Variants in FXR2 observed in about 807,000 individuals in gnomAD.
FXR2 encodes RNA-binding protein FXR2.
FXR2 carries 9 observed loss-of-function variants against 87.3 expected under a neutral mutation model. The observed-to-expected ratio is 0.10, with a 90% CI of 0.06 to 0.18. FXR2 has a LOEUF of 0.18. FXR2 is among the 10% of genes least tolerant of loss of function. The probability of loss-of-function intolerance (pLI) is 1.00; values close to 1 mark genes in which losing one functional copy is unlikely to be tolerated. For missense variants in FXR2, 661 were observed against 893.6 expected (o/e 0.74, Z 3.32); for synonymous variants, 331 against 328.3 (o/e 1.01, Z -0.09).
At chr17:7,600,179 G>A (rs1289810493) in intron 7 of FXR2, among the ~76,000 whole-genome samples, 4 of 151,598 alleles carry the variant, frequency 2.6e-5, no homozygotes, top group African/African-American at 9.7e-5. Flanking sequence ...GATTACAGAC[G>A]TGGGCCACCG....
chr17:7,593,566 C>A lies in FXR2; in HGVS notation c.1167G>T (p.Gly389=). The change falls in exon 12 of 17, where the codon GGG becomes GGT. Residue 389 remains glycine (G), a synonymous_variant. Transcript: ENST00000250113. This position sits in a 1 kb window ranked among gnomAD's most constrained non-coding sequence, Gnocchi z 6.1. ...CACTCCCAGGAGGGCGAAAGCCCAG[C>A]CCAATCTGCCGAAGCTGCTCATCAA... ...LQIDEQLRQI[G]LGFRPPGSGR... 1.3e-6 allele frequency: 2 copies of A among 1,597,658 alleles called. No individual in the cohort carries two copies. Among genetic ancestry groups the A allele is most frequent in the Admixed American group, 1.7e-5 (1 of 57,736 alleles).
chr17:7,606,227 AC>A, intron 1 of FXR2, 78 bp from the exon 2 acceptor site: 1 of 908,680 alleles, frequency 1.1e-6, no homozygotes, highest in Non-Finnish European at 1.7e-6. Context: ...GGAATAAGAC[AC>A]CACAAAACCT....
intron 1 of FXR2, chr17:7,613,954 A>T (rs748942707): frequency 3.9e-5 from 17 of 438,268 alleles, no homozygotes; most frequent in Non-Finnish European, 7.8e-5. Context: ...ATATAAGATG[A>T]AAGTGGGGTG....
chr17:7,613,505 G>A (rs2071895051), intron 1 of FXR2, among the ~76,000 whole-genome samples: 1 of 152,148 alleles, frequency 6.6e-6, no homozygotes, highest in African/African-American at 2.4e-5. Flanking sequence ...GGGCAAAGGG[G>A]GAGGTGAAAT....
In FXR2 at chr17:7,593,143, A is replaced by T; in HGVS notation, c.1369T>A (p.Ser457Thr). ...SDVSTASETE[S>T]EKREEPNRAG... ...CGGTTGGGCTCCTCTCTCTTCTCTG[A>T]CTCAGTCTCTGAAGCTGTAGACACA... The change falls in exon 13 of 17, where the codon TCA becomes ACA. Residue 457 changes from serine to threonine, a missense_variant. By Grantham distance (58) the Ser-to-Thr change is moderately conservative. Transcript: ENST00000250113. This position sits in a 1 kb window ranked among gnomAD's most constrained non-coding sequence, Gnocchi z 6.1. 1 of 1,552,650 alleles carries T rather than the reference A, an allele frequency of 6.4e-7. No individual in the cohort carries two copies. The highest frequency in any genetic ancestry group is 8.7e-7 in the Non-Finnish European group (1 of 1,152,566).
chr17:7,595,148 A>G lies in FXR2; in HGVS notation c.832-391T>C, dbSNP rs948739415. The stretch of plus-strand genomic sequence containing the variant: ...AAAAAATTAAACAAATAAATAACTT[A>G]AAAAAAAAAACAGAGGACCTTGGCC... On this transcript the variant is annotated intron_variant, in intron 8 of 16. Transcript: ENST00000250113. This position sits in a 1 kb window ranked among gnomAD's most constrained non-coding sequence, Gnocchi z 4.7. Among the ~76,000 whole-genome samples, 1 of 137,922 alleles carries G rather than the reference A, an allele frequency of 7.3e-6. No homozygotes were observed. Among genetic ancestry groups the G allele is most frequent in the East Asian group, 2.0e-4 (1 of 5,042 alleles). 90.5% of individuals were successfully genotyped at this position (137,922 alleles called of 152,430 possible).
At chr17:7,609,164 A>T (rs944077996) in intron 1 of FXR2, among the ~76,000 whole-genome samples, 7 of 152,248 alleles carry the variant, frequency 4.6e-5, no homozygotes, top group Non-Finnish European at 1.0e-4. Flanking sequence ...CAAAAGGCTA[A>T]TACACAAGAA....
chr17:7,614,429 C>T, intron 1 of FXR2, 23 bp downstream of exon 1: 1 of 1,498,846 alleles, frequency 6.7e-7, no homozygotes, highest in Non-Finnish European at 9.0e-7. Flanking sequence ...GGACCGGCGT[C>T]CCCAGTCGGC....
rs540643291 is a variant in FXR2, at chr17:7,605,139, C to T, written c.228+506G>A. 2.4e-4 allele frequency among the ~76,000 whole-genome samples: 34 copies of T among 142,214 alleles called. No individual in the cohort carries two copies. The South Asian group carries it at 7.2e-3, about 30-fold the overall frequency. 93.3% of individuals were successfully genotyped at this position (142,214 alleles called of 152,430 possible). ...ATCCCAGCACTTTGGGAAGCTGAGGCGGGTGGATCACCTGAAGTCAGAAAT... is the reference window on the plus strand; with the variant it reads ...ATCCCAGCACTTTGGGAAGCTGAGGTGGGTGGATCACCTGAAGTCAGAAAT... On this transcript the variant is annotated intron_variant, in intron 3 of 16. Transcript: ENST00000250113.
At chr17:7,599,817 G>A (rs1341665681) in intron 7 of FXR2, among the ~76,000 whole-genome samples, 3 of 151,976 alleles carry the variant, frequency 2.0e-5, no homozygotes, top group African/African-American at 7.2e-5. Flanking sequence ...GGTGGAGGTT[G>A]CAGTAAGCCA....
chr17:7,614,863 A>T lies in FXR2; in HGVS notation c.-331T>A, dbSNP rs1162708932. Reference sequence around the variant, plus strand: ...CCCGCTGCTGCCGCTGCCGCTCCACAGCCTCCACCTCCCCCTGCCACCGCC... The same window carrying T: ...CCCGCTGCTGCCGCTGCCGCTCCACTGCCTCCACCTCCCCCTGCCACCGCC... On this transcript the variant is annotated 5_prime_UTR_variant, in exon 1 of 17. Coordinates refer to ENST00000250113, the MANE Select transcript of FXR2 (RefSeq NM_004860.4). 6.3e-6 allele frequency: 1 copy of T among 157,664 alleles called. No homozygotes were observed. The highest frequency in any genetic ancestry group is 1.4e-5 in the Non-Finnish European group (1 of 71,992). 9.8% of individuals were successfully genotyped at this position (157,664 alleles called of 1,614,324 possible). A position where few individuals can be genotyped will look rare whatever the true frequency, so the allele number is the denominator to read the frequency against.
chr17:7,597,425 G>A (rs183197434), intron 7 of FXR2, among the ~76,000 whole-genome samples: 1 of 151,870 alleles, frequency 6.6e-6, no homozygotes, highest in East Asian at 1.9e-4. Context: ...GGGAGGGGAA[G>A]AGATCTACAA....
At chr17:7,612,222 A>C (rs1287266815) in intron 1 of FXR2, among the ~76,000 whole-genome samples, 1 of 152,130 alleles carries the variant, frequency 6.6e-6, no homozygotes, top group Non-Finnish European at 1.5e-5. Context: ...TTGATCTTGG[A>C]CTCAACTTAA....
chr17:7,604,184 C>T (rs2071783089), intron 3 of FXR2, 104 bp from the exon 4 acceptor site: 7 of 866,832 alleles, frequency 8.1e-6, no homozygotes, highest in East Asian at 8.0e-5. Flanking sequence ...GTAATCTCAG[C>T]GCTTTGGGAG....
In FXR2 at chr17:7,591,954, A is replaced by G; in HGVS notation, c.1927-29T>C. The G allele has an allele frequency of 7.1e-7, 1 of 1,407,032 alleles. No individual in the cohort carries two copies. The highest frequency in any genetic ancestry group is 1.0e-6 in the Non-Finnish European group (1 of 998,406). 87.2% of individuals were successfully genotyped at this position (1,407,032 alleles called of 1,614,324 possible). A position where few individuals can be genotyped will look rare whatever the true frequency, so the allele number is the denominator to read the frequency against. On this transcript the variant is annotated intron_variant, in intron 16 of 16. Transcript: ENST00000250113. This position sits in a 1 kb window ranked among gnomAD's most constrained non-coding sequence, Gnocchi z 4.0. ...AGGGGAAAGTGGGAAAGAAAACAGA[A>G]AAGCAAGAAGCGGTGAGTAGAAATT...
Position 7,614,598 on chromosome 17 carries a change from C to G in FXR2, c.-66G>C. 1 of 1,051,060 alleles carries G rather than the reference C, an allele frequency of 9.5e-7. No homozygotes were observed. The highest frequency in any genetic ancestry group is 2.6e-5 in the South Asian group (1 of 39,158). 65.1% of individuals were successfully genotyped at this position (1,051,060 alleles called of 1,614,324 possible). A position where few individuals can be genotyped will look rare whatever the true frequency, so the allele number is the denominator to read the frequency against. On this transcript the variant is annotated 5_prime_UTR_variant, in exon 1 of 17. Transcript: ENST00000250113. ...GCAGCAGTCTGAGTGCGGGCCGGGC[C>G]AGGCCCCCGGCGTCTCCCCGGAGGA...
intron 1 of FXR2, among the ~76,000 whole-genome samples, 189 bp downstream of exon 1, chr17:7,614,263 G>C (rs1340764888): frequency 6.6e-6 from 1 of 152,104 alleles, no homozygotes; most frequent in Non-Finnish European, 1.5e-5. Context: ...GTGCCTTAGA[G>C]GGGTCAAAAA....
rs756240046 is a variant in FXR2 at position 7,591,248 on chromosome 17, TTC to T, written c.*580_*581del. On this transcript the variant is annotated 3_prime_UTR_variant, in exon 17 of 17. Coordinates refer to ENST00000250113, the MANE Select transcript of FXR2 (RefSeq NM_004860.4). The surrounding 1 kb of genome is among the most constrained non-coding windows in gnomAD (Gnocchi z 4.0). ...CCAGACAGCCATTTGGATTTTTTTA[TTC>T]TCTTTTTAAATACTGTACAGTGAAA... 10 of 154,694 alleles carry T rather than the reference TTC, an allele frequency of 6.5e-5. No individual in the cohort carries two copies. Among genetic ancestry groups the T allele is most frequent in the Admixed American group, 5.1e-4 (8 of 15,800 alleles). The allele number at this position is 154,694 out of a possible 1,614,324, so 9.6% of individuals were successfully genotyped here.
At chr17:7,613,864 T>TC (rs2071901880) in intron 1 of FXR2, 1 of 357,738 alleles carries the variant, frequency 2.8e-6, no homozygotes, top group Non-Finnish European at 5.6e-6. Flanking sequence ...ACTTGACTGA[T>TC]CCAACCCAGG....
Sources: allele counts gnomAD v4.1 joint callset (sites outside exome capture counted in the v4.1 genomes callset), GRCh38; gene constraint gnomAD v4.1.1; non-coding constraint Gnocchi (gnomAD v3.1); transcripts MANE v1.5; gene names NCBI Gene and HGNC (gene_info 2026-07-23, HGNC 2026-07-21).